KCNK13: variants seen among roughly 807,000 people sequenced by gnomAD.
KCNK13 encodes potassium channel subfamily K member 13.
Under a neutral mutation model 23.4 loss-of-function variants are expected in KCNK13, and 12 were observed. The ratio of observed to expected loss-of-function variants is 0.51; its 90% CI spans 0.33 to 0.83. KCNK13 has a LOEUF of 0.83. KCNK13 is among the 40% of genes least tolerant of loss of function. The pLI is 0.02. For synonymous variants in KCNK13, 231 were observed against 229.5 expected (o/e 1.01, Z -0.06); for missense variants, 463 against 556.3 (o/e 0.83, Z 1.69).
intron 1 of KCNK13, among the ~76,000 whole-genome samples, chr14:90,180,083 C>A (rs1347122780): frequency 6.6e-6 from 1 of 152,096 alleles, no homozygotes; most frequent in African/African-American, 2.4e-5. Flanking sequence ...TCAGCCTAGT[C>A]AGGTGGAAAA....
chr14:90,172,178 G>C (rs552809522), intron 1 of KCNK13, among the ~76,000 whole-genome samples: 31 of 152,216 alleles, frequency 2.0e-4, no homozygotes, highest in African/African-American at 7.2e-4. Context: ...TTAGCTGGCT[G>C]TGGTGGCAGG....
At chr14:90,095,186 G>T (rs963505042) in intron 1 of KCNK13, among the ~76,000 whole-genome samples, 1 of 152,324 alleles carries the variant, frequency 6.6e-6, no homozygotes, top group Middle Eastern at 3.4e-3. Flanking sequence ...AGGAACCACT[G>T]CGGCTAGCTT....
intron 1 of KCNK13, among the ~76,000 whole-genome samples, chr14:90,121,967 G>A (rs1442792200): frequency 3.3e-5 from 5 of 151,986 alleles, no homozygotes; most frequent in East Asian, 1.9e-4. Flanking sequence ...TGATCTGCCC[G>A]CCTCTGCCTC....
At chr14:90,156,696 T>TA (rs1261574733) in intron 1 of KCNK13, among the ~76,000 whole-genome samples, 2 of 152,272 alleles carry the variant, frequency 1.3e-5, no homozygotes, top group East Asian at 3.9e-4. Flanking sequence ...TGTGGGGTAT[T>TA]ACGATCATCC....
chr14:90,155,908 A>G (rs1890188085), intron 1 of KCNK13, among the ~76,000 whole-genome samples: 1 of 152,116 alleles, frequency 6.6e-6, no homozygotes, highest in Non-Finnish European at 1.5e-5. Flanking sequence ...ACTAGAGATA[A>G]AATCTGGAAG....
intron 1 of KCNK13, among the ~76,000 whole-genome samples, chr14:90,125,293 G>A (rs966680706): frequency 4.0e-5 from 6 of 150,672 alleles, no homozygotes; most frequent in Non-Finnish European, 7.4e-5. Context: ...GCGTGATCTC[G>A]GCTCACTGCA....
At chr14:90,114,826 G>A (rs1889656947) in intron 1 of KCNK13, among the ~76,000 whole-genome samples, 1 of 152,128 alleles carries the variant, frequency 6.6e-6, no homozygotes, top group Non-Finnish European at 1.5e-5. Flanking sequence ...GCTGTCCTGA[G>A]GCATTTCATT....
At chr14:90,089,356 C>T (rs989251605) in intron 1 of KCNK13, among the ~76,000 whole-genome samples, 6 of 152,174 alleles carry the variant, frequency 3.9e-5, no homozygotes, top group Non-Finnish European at 7.3e-5. Flanking sequence ...AGGCATTTTG[C>T]CCCTGCCCTA....
intron 1 of KCNK13, among the ~76,000 whole-genome samples, chr14:90,125,265 C>A (rs571082668): frequency 6.6e-6 from 1 of 151,394 alleles, no homozygotes; most frequent in Non-Finnish European, 1.5e-5. Context: ...ACTCTGTCGC[C>A]GAGGCTGGAG....
At chr14:90,133,897 T>A (rs1349471395) in intron 1 of KCNK13, among the ~76,000 whole-genome samples, 1 of 152,210 alleles carries the variant, frequency 6.6e-6, no homozygotes, top group East Asian at 1.9e-4. Context: ...TCTACCCATT[T>A]GCTTTCTCAG....
intron 1 of KCNK13, among the ~76,000 whole-genome samples, chr14:90,125,599 G>GCACACACA (rs35452662): frequency 4.6e-5 from 3 of 64,586 alleles, no homozygotes; most frequent in African/African-American, 1.2e-4. Context: ...ACACACACAC[G>GCACACACA]CACACACACA....
At chr14:90,139,989 G>A (rs970638412) in intron 1 of KCNK13, among the ~76,000 whole-genome samples, 3 of 152,076 alleles carry the variant, frequency 2.0e-5, no homozygotes, top group African/African-American at 7.2e-5. Flanking sequence ...AATTCTGCTA[G>A]GAACGTGCAC....
intron 1 of KCNK13, among the ~76,000 whole-genome samples, chr14:90,086,907 T>G (rs1387432070): frequency 1.3e-5 from 2 of 151,878 alleles, no homozygotes; most frequent in African/African-American, 4.8e-5. Context: ...GGACTAACCT[T>G]GAGCATATCT....
intron 1 of KCNK13, among the ~76,000 whole-genome samples, chr14:90,096,953 T>C (rs1271237483): frequency 1.3e-5 from 2 of 152,148 alleles, no homozygotes; most frequent in Non-Finnish European, 2.9e-5. Flanking sequence ...TGGCCAAATA[T>C]GGGGGTCAGG....
At chr14:90,083,134 G>T (rs543120055) in intron 1 of KCNK13, among the ~76,000 whole-genome samples, 1 of 152,242 alleles carries the variant, frequency 6.6e-6, no homozygotes, top group Non-Finnish European at 1.5e-5. Context: ...ACTGAGTTAT[G>T]AAAGTGCTTT....
chr14:90,062,495 T>A lies in KCNK13; in HGVS notation c.290T>A (p.Phe97Tyr). The A allele has an allele frequency of 6.5e-7, 1 of 1,537,856 alleles. No individual in the cohort carries two copies. Among genetic ancestry groups the A allele is most frequent in the East Asian group, 2.4e-5 (1 of 40,938 alleles). The change falls in exon 1 of 2, where the codon TTC becomes TAC. Residue 97 changes from phenylalanine to tyrosine, a missense_variant. Coordinates refer to ENST00000282146, the MANE Select transcript of KCNK13 (RefSeq NM_022054.4). The surrounding 1 kb of genome is among the most constrained non-coding windows in gnomAD (Gnocchi z 4.5). ...RVDNVRPRWD[F>Y]TGAFYFVGTV... Reference sequence around the variant, plus strand: ...GACAACGTCCGCCCGCGCTGGGACTTCACCGGCGCCTTCTACTTCGTGGGC... The same window carrying A: ...GACAACGTCCGCCCGCGCTGGGACTACACCGGCGCCTTCTACTTCGTGGGC...
intron 1 of KCNK13, among the ~76,000 whole-genome samples, chr14:90,091,750 A>G (rs1367758276): frequency 6.6e-6 from 1 of 151,874 alleles, no homozygotes; most frequent in Non-Finnish European, 1.5e-5. Flanking sequence ...GTGAGGTTTG[A>G]AACAGAGTCT....
intron 1 of KCNK13, among the ~76,000 whole-genome samples, chr14:90,080,752 G>A (rs778791071): frequency 1.3e-5 from 2 of 152,258 alleles, no homozygotes; most frequent in South Asian, 2.1e-4. Context: ...GGGATCACCT[G>A]TTTTGGATTC....
In KCNK13 at chr14:90,183,968, C is replaced by G. The variant is rs989594587; in HGVS notation, c.335-143C>G. 4.1e-6 allele frequency: 3 copies of G among 730,600 alleles called. No homozygotes were observed. In the African/African-American group the frequency reaches 5.3e-5, roughly 13 times the overall value. The allele number at this position is 730,600 out of a possible 1,614,324, so 45.3% of individuals were successfully genotyped here. A position where few individuals can be genotyped will look rare whatever the true frequency, so the allele number is the denominator to read the frequency against. ...GTGTCTTCAAAAGCAGGTGAGAATTCTCCTGCTCATTCCTAGAAAGACTAA... is the reference window on the plus strand; with the variant it reads ...GTGTCTTCAAAAGCAGGTGAGAATTGTCCTGCTCATTCCTAGAAAGACTAA... On this transcript the variant is annotated intron_variant, in intron 1 of 1. Coordinates refer to ENST00000282146, the MANE Select transcript of KCNK13 (RefSeq NM_022054.4).
Sources: allele counts gnomAD v4.1 joint callset (sites outside exome capture counted in the v4.1 genomes callset), GRCh38; gene constraint gnomAD v4.1.1; non-coding constraint Gnocchi (gnomAD v3.1); transcripts MANE v1.5; gene names NCBI Gene and HGNC (gene_info 2026-07-23, HGNC 2026-07-21).